ZNF462: variants seen among roughly 807,000 people sequenced by gnomAD.
ZNF462 encodes the protein zinc finger protein 462, also known as zinc finger PBX1-interacting protein.
ZNF462 carries 10 observed loss-of-function variants against 201.9 expected under a neutral mutation model. The observed-to-expected ratio is 0.05, with a 90% CI of 0.03 to 0.08. The LOEUF is 0.08. Among genes scored for constraint, ZNF462 ranks in the 10% least tolerant of loss-of-function variants. ZNF462 has a pLI of 1.00. For synonymous variants in ZNF462, 1,227 were observed against 1,193.3 expected (o/e 1.03, Z -0.58); for missense variants, 2,523 against 3,168.3 (o/e 0.80, Z 4.89).
chr9:106,956,966 A>G (rs1229639285), intron 7 of ZNF462, among the ~76,000 whole-genome samples: 1 of 152,178 alleles, frequency 6.6e-6, no homozygotes, highest in East Asian at 1.9e-4. Flanking sequence ...ATAATCAGCA[A>G]TAAGGATGTT....
At chr9:106,939,473 A>G (rs577995871) in intron 7 of ZNF462, among the ~76,000 whole-genome samples, 2 of 152,350 alleles carry the variant, frequency 1.3e-5, no homozygotes, top group South Asian at 4.1e-4. Flanking sequence ...TGTTCTAAAA[A>G]TATGTGCTGC....
rs1826840499 is a variant in ZNF462 at position 106,974,385 on chromosome 9, TTA to T, written c.6832+114_6832+115del. On this transcript the variant is annotated intron_variant, in intron 9 of 12. Coordinates refer to ENST00000277225, the MANE Select transcript of ZNF462 (RefSeq NM_021224.6). The surrounding 1 kb of genome is among the most constrained non-coding windows in gnomAD (Gnocchi z 4.0). ...TAGCACCTGTGCCTTGTTCCTCACC[TTA>T]TCTTCAGGCAAGAAACCACAGTGAT... The T allele has an allele frequency of 6.6e-7, 1 of 1,516,344 alleles. No individual in the cohort carries two copies. Among genetic ancestry groups the T allele is most frequent in the African/African-American group, 1.4e-5 (1 of 72,978 alleles). 93.9% of individuals were successfully genotyped at this position (1,516,344 alleles called of 1,614,324 possible).
chr9:106,971,960 A>G lies in ZNF462; in HGVS notation c.6428-45A>G. On this transcript the variant is annotated intron_variant, in intron 7 of 12. Transcript: ENST00000277225. ...AGGGGTTTTCAAGCATCGATCACCT[A>G]CTGTGTTCTCTGTGCCCCGTGTCAT... 5 of 1,583,074 alleles carry G rather than the reference A, an allele frequency of 3.2e-6. No individual in the cohort carries two copies. The South Asian group carries it at 3.5e-5, about 11-fold the overall frequency.
intron 1 of ZNF462, among the ~76,000 whole-genome samples, chr9:106,875,932 A>G (rs1255379871): frequency 1.3e-5 from 2 of 152,248 alleles, no homozygotes; most frequent in Non-Finnish European, 2.9e-5. Context: ...GTATATGTAC[A>G]CACATGTATC....
intron 1 of ZNF462, among the ~76,000 whole-genome samples, chr9:106,879,331 C>CT (rs1827979411): frequency 3.2e-5 from 3 of 93,488 alleles, no homozygotes; most frequent in Non-Finnish European, 4.3e-5. Flanking sequence ...AGATGCTTTC[C>CT]ACCCCCCCCC....
In ZNF462 at chr9:106,913,318, G is replaced by A. The variant is rs1014714504; in HGVS notation, c.-30-10036G>A. Among the ~76,000 whole-genome samples, 8 of 152,098 alleles carry A rather than the reference G, an allele frequency of 5.3e-5. No homozygotes were observed. The highest frequency in any genetic ancestry group is 1.2e-4 in the African/African-American group (5 of 41,420). ...ATGGATGCTCTCTGGAATTCCTTAG[G>A]TTCTTGAACGTTTAGTTCGATTTTG... On this transcript the variant is annotated intron_variant, in intron 1 of 12. Coordinates refer to ENST00000277225, the MANE Select transcript of ZNF462 (RefSeq NM_021224.6). The surrounding 1 kb of genome is among the most constrained non-coding windows in gnomAD (Gnocchi z 4.1).
chr9:106,985,507 C>A (rs965176623), intron 10 of ZNF462, among the ~76,000 whole-genome samples: 3 of 152,144 alleles, frequency 2.0e-5, no homozygotes, highest in African/African-American at 7.2e-5. Context: ...CTGAGATGAT[C>A]ATTTCTGGTA....
chr9:106,918,180 G>C (rs1247600587), intron 1 of ZNF462, among the ~76,000 whole-genome samples: 1 of 152,002 alleles, frequency 6.6e-6, no homozygotes, highest in Admixed American at 6.6e-5. Flanking sequence ...CTGCCTGCTG[G>C]TTTATTGTTT....
intron 10 of ZNF462, among the ~76,000 whole-genome samples, chr9:106,990,590 T>C (rs1255788696): frequency 1.3e-5 from 2 of 151,982 alleles, no homozygotes; most frequent in Admixed American, 1.3e-4. Context: ...TAACGTAATA[T>C]TTTCACTATG....
intron 1 of ZNF462, among the ~76,000 whole-genome samples, chr9:106,864,039 G>GCGCGCTCT (rs1564062266): frequency 4.4e-5 from 1 of 22,722 alleles, no homozygotes; most frequent in Admixed American, 5.8e-4. Context: ...CAGGTATTTG[G>GCGCGCTCT]CTCTCTCTCT....
At position 106,984,030 on chromosome 9, in the gene ZNF462, G is replaced by C. The variant is rs371266731; in HGVS notation, c.6833-156G>C. Among the ~76,000 whole-genome samples, 4 of 152,254 alleles carry C rather than the reference G, an allele frequency of 2.6e-5. No homozygotes were observed. In the South Asian group the frequency reaches 6.2e-4, roughly 24 times the overall value. The stretch of plus-strand genomic sequence containing the variant: ...TTCCTGAGGAATATGTTGTTTGGGG[G>C]TTAGGGGAGGGGCAGGGTGCATGTG... On this transcript the variant is annotated intron_variant, in intron 9 of 12. Coordinates refer to ENST00000277225, the MANE Select transcript of ZNF462 (RefSeq NM_021224.6). This position sits in a 1 kb window ranked among gnomAD's most constrained non-coding sequence, Gnocchi z 6.4.
chr9:106,911,935 G>A (rs903713808), intron 1 of ZNF462, among the ~76,000 whole-genome samples: 2 of 152,132 alleles, frequency 1.3e-5, no homozygotes, highest in Non-Finnish European at 2.9e-5. Context: ...AATATTCCAA[G>A]TTGGTTTCAG....
rs1827618010 is a variant in ZNF462 at position 106,872,083 on chromosome 9, C to G, written c.-31+8728C>G. On this transcript the variant is annotated intron_variant, in intron 1 of 12. Coordinates refer to ENST00000277225, the MANE Select transcript of ZNF462 (RefSeq NM_021224.6). This position sits in a 1 kb window ranked among gnomAD's most constrained non-coding sequence, Gnocchi z 4.5. ...CCAGAATGTTTAGCCATTCTAATCC[C>G]TAATTACATCATCCCTCTGTGTTAT... Among the ~76,000 whole-genome samples, 3 of 152,270 alleles carry G rather than the reference C, an allele frequency of 2.0e-5. No homozygotes were observed. The South Asian group carries it at 6.2e-4, about 32-fold the overall frequency.
chr9:106,937,400 G>A (rs1830676888), intron 6 of ZNF462, among the ~76,000 whole-genome samples: 1 of 152,124 alleles, frequency 6.6e-6, no homozygotes, highest in Non-Finnish European at 1.5e-5. Context: ...TAGGGACAAA[G>A]AATGATCTTC....
At chr9:106,991,993 G>A (rs1229795368) in intron 10 of ZNF462, among the ~76,000 whole-genome samples, 7 of 151,564 alleles carry the variant, frequency 4.6e-5, no homozygotes, top group Non-Finnish European at 8.8e-5. Flanking sequence ...TTTTATATAT[G>A]ATGCAAAAGT....
intron 11 of ZNF462, among the ~76,000 whole-genome samples, chr9:107,007,997 C>T (rs1829682037): frequency 6.6e-6 from 1 of 152,152 alleles, no homozygotes; most frequent in African/African-American, 2.4e-5. Context: ...ACCCCACTCC[C>T]TACCTCCTTT....
At chr9:106,944,175 A>G (rs1041388681) in intron 7 of ZNF462, among the ~76,000 whole-genome samples, 4 of 152,124 alleles carry the variant, frequency 2.6e-5, no homozygotes, top group African/African-American at 9.7e-5. Flanking sequence ...AGTGCGCACA[A>G]TTATTGATCT....
intron 1 of ZNF462, among the ~76,000 whole-genome samples, chr9:106,875,627 G>A (rs1036856846): frequency 5.3e-5 from 8 of 152,044 alleles, no homozygotes; most frequent in Admixed American, 3.9e-4. Flanking sequence ...AAAAAAGAAC[G>A]TGTCATTACT....
In ZNF462 at chr9:106,974,019, A is replaced by T; in HGVS notation, c.6696-118A>T. The T allele has an allele frequency of 7.6e-7, 1 of 1,320,086 alleles. No individual in the cohort carries two copies. 81.8% of individuals were successfully genotyped at this position (1,320,086 alleles called of 1,614,324 possible). A position where few individuals can be genotyped will look rare whatever the true frequency, so the allele number is the denominator to read the frequency against. ...AAACATGATGAACAGATTTTTTTTT[A>T]GCCCCACAAGCAGGAGAGCCGCACT... is the stretch of plus-strand genomic sequence containing the variant. On this transcript the variant is annotated intron_variant, in intron 8 of 12. Transcript: ENST00000277225. This position sits in a 1 kb window ranked among gnomAD's most constrained non-coding sequence, Gnocchi z 4.0.
Sources: allele counts gnomAD v4.1 joint callset (sites outside exome capture counted in the v4.1 genomes callset), GRCh38; gene constraint gnomAD v4.1.1; non-coding constraint Gnocchi (gnomAD v3.1); transcripts MANE v1.5; gene names NCBI Gene and HGNC (gene_info 2026-07-23, HGNC 2026-07-21).